LGALS3: variants seen among roughly 807,000 people sequenced by gnomAD.
LGALS3 encodes galectin 3.
Under a neutral mutation model 20.7 loss-of-function variants are expected in LGALS3, and 18 were observed. The ratio of observed to expected loss-of-function variants is 0.87; its 90% CI spans 0.60 to 1.29. LGALS3 has a LOEUF of 1.29. Ranked by LOEUF, LGALS3 falls within the 50% of genes most tolerant of loss-of-function variation. The pLI is 0.00. For synonymous variants in LGALS3, 112 were observed against 119.6 expected, an observed-to-expected ratio of 0.94 and a Z score of 0.42; for missense variants, 315 against 314.7, an observed-to-expected ratio of 1.00 and a Z score of -0.01.
At chr14:55,135,307 A>G (rs1403822575) in intron 1 of LGALS3, among the ~76,000 whole-genome samples, 3 of 152,250 alleles carry the variant, frequency 2.0e-5, no homozygotes, top group Non-Finnish European at 4.4e-5. Flanking sequence ...CATGATGTTC[A>G]GAGGCCATGC....
At chr14:55,140,579 C>T (rs1881585816) in intron 4 of LGALS3, 1 of 468,318 alleles carries the variant, frequency 2.1e-6, no homozygotes, top group East Asian at 3.6e-5. Context: ...AGCATCATGG[C>T]ACTCATAGTA....
At chr14:55,139,258 T>TA (rs1460621187) in intron 3 of LGALS3, among the ~76,000 whole-genome samples, 4 of 152,118 alleles carry the variant, frequency 2.6e-5, no homozygotes, top group Admixed American at 6.5e-5. Flanking sequence ...GATTATGTCT[T>TA]AGGAGTCATA....
At chr14:55,143,594 G>A (rs906554115) in intron 5 of LGALS3, 3 of 213,798 alleles carry the variant, frequency 1.4e-5, no homozygotes, top group Non-Finnish European at 2.9e-5. Context: ...GCTAACTTTT[G>A]TATTTTCTGT....
chr14:55,142,443 G>C (rs1881656142), intron 4 of LGALS3, 141 bp from the exon 5 acceptor site: 1 of 580,464 alleles, frequency 1.7e-6, no homozygotes, highest in South Asian at 2.7e-5. Context: ...AACCCATTCT[G>C]ATTTATTTGC....
rs150161752 is a variant in LGALS3, at chr14:55,145,237, T to G, written c.719T>G (p.Ile240Arg). Residue 240 changes from isoleucine to arginine, a missense_variant, in exon 6 of 6, where the codon ATA becomes AGA. Physicochemically the swap from Ile to Arg is moderately conservative, Grantham distance 97. Transcript: ENST00000254301. ...AGCAAACTGGGAATTTCTGGTGACA[T>G]AGACCTCACCAGTGCTTCATATACC... ...EISKLGISGD[I>R]DLTSASYTMI is the part of the protein sequence containing the mutation. 6.2e-7 allele frequency: 1 copy of G among 1,613,142 alleles called. No individual in the cohort carries two copies. Among genetic ancestry groups the G allele is most frequent in the African/African-American group, 1.3e-5 (1 of 74,578 alleles).
Position 55,142,762 on chromosome 14 carries a change from T to C in LGALS3, c.597+13T>C. ...GAAACCATTCAAAGTAAGTTATTGC[T>C]ACTATTATATATTGATAATGTATAT... On this transcript the variant is annotated intron_variant, in intron 5 of 5. Coordinates refer to ENST00000254301, the MANE Select transcript of LGALS3 (RefSeq NM_002306.4). 14 of 1,584,364 alleles carry C rather than the reference T, an allele frequency of 8.8e-6. No individual in the cohort carries two copies. Among genetic ancestry groups the C allele is most frequent in the Non-Finnish European group, 1.2e-5 (14 of 1,153,224 alleles).
At chr14:55,142,480 A>C (rs1881657427) in intron 4 of LGALS3, 104 bp from the exon 5 acceptor site, 3 of 862,074 alleles carry the variant, frequency 3.5e-6, no homozygotes, top group Non-Finnish European at 5.3e-6. Flanking sequence ...TTTCCTAGGT[A>C]CTGTATTATG....
intron 1 of LGALS3, among the ~76,000 whole-genome samples, chr14:55,132,080 G>C (rs1594648984): frequency 6.6e-6 from 1 of 152,212 alleles, no homozygotes; most frequent in African/African-American, 2.4e-5. Flanking sequence ...TGGGAACCCA[G>C]ACAACTGGAC....
chr14:55,137,200 T>C, intron 1 of LGALS3, 170 bp from the exon 2 acceptor site: 1 of 720,278 alleles, frequency 1.4e-6, no homozygotes, highest in East Asian at 2.5e-5. Flanking sequence ...GCAATCTAGC[T>C]GGATAGCATC....
chr14:55,140,383 C>T lies in LGALS3; in HGVS notation c.431+20C>T, dbSNP rs191939424. On this transcript the variant is annotated intron_variant, in intron 4 of 5. Coordinates refer to ENST00000254301, the MANE Select transcript of LGALS3 (RefSeq NM_002306.4). Reference sequence around the variant, plus strand: ...AAACAGGTAAGGAGAGCAAAATTAACAAGTCTACTCTATTTGTAGATTGGT... The same window carrying T: ...AAACAGGTAAGGAGAGCAAAATTAATAAGTCTACTCTATTTGTAGATTGGT... 874 of 1,494,402 alleles carry T rather than the reference C, an allele frequency of 5.8e-4. 3 individuals carry two copies. The highest frequency in any genetic ancestry group is 1.1e-3 in the Admixed American group (61 of 57,748). 92.6% of individuals were successfully genotyped at this position (1,494,402 alleles called of 1,614,324 possible). A position where few individuals can be genotyped will look rare whatever the true frequency, so the allele number is the denominator to read the frequency against.
chr14:55,133,689 T>A (rs760016208), intron 1 of LGALS3, among the ~76,000 whole-genome samples: 1 of 152,212 alleles, frequency 6.6e-6, no homozygotes, highest in Non-Finnish European at 1.5e-5. Flanking sequence ...TATACTGCCC[T>A]CCGAGGTGGT....
intron 5 of LGALS3, chr14:55,143,426 C>CTT (rs759161757): frequency 3.0e-3 from 991 of 325,580 alleles, no homozygotes; most frequent in South Asian, 4.7e-3. Flanking sequence ...CTTAATAGCA[C>CTT]TTTTTTTTTT....
intron 2 of LGALS3, chr14:55,137,819 C>T: frequency 3.1e-6 from 4 of 1,302,372 alleles, no homozygotes. Context: ...CCTCCCTGAT[C>T]TGAGACGTTG....
chr14:55,138,426 T>G (rs960645513), intron 3 of LGALS3, 58 bp downstream of exon 3: 2 of 1,580,058 alleles, frequency 1.3e-6, no homozygotes, highest in African/African-American at 2.7e-5. Context: ...AGGGAGACCC[T>G]GAGCTTTAAA....
Position 55,129,913 on chromosome 14 carries a change from A to T in LGALS3, c.-5+613A>T, listed in dbSNP as rs186763001. ...TCAGCTGAGGCTGGACTTGGAGGAG[A>T]TCTCGCTGTGGAGCGCGAATGAGTT... On this transcript the variant is annotated intron_variant, in intron 1 of 5. Transcript: ENST00000254301. This position sits in a 1 kb window ranked among gnomAD's most constrained non-coding sequence, Gnocchi z 5.3. 6.6e-6 allele frequency among the ~76,000 whole-genome samples: 1 copy of T among 152,178 alleles called. No individual in the cohort carries two copies. Among genetic ancestry groups the T allele is most frequent in the East Asian group, 1.9e-4 (1 of 5,166 alleles).
chr14:55,130,652 C>T (rs979907535), intron 1 of LGALS3, among the ~76,000 whole-genome samples: 29 of 149,792 alleles, frequency 1.9e-4, no homozygotes, highest in Non-Finnish European at 3.1e-4. Flanking sequence ...CTCTGCCTAC[C>T]GGGTTCAAGC....
At chr14:55,136,146 G>A (rs1343505627) in intron 1 of LGALS3, among the ~76,000 whole-genome samples, 1 of 152,132 alleles carries the variant, frequency 6.6e-6, no homozygotes, top group Admixed American at 6.5e-5. Context: ...ACATGGGAAG[G>A]AACAGGAGAA....
chr14:55,136,061 GC>G (rs57117110), intron 1 of LGALS3, among the ~76,000 whole-genome samples: 1 of 152,122 alleles, frequency 6.6e-6, no homozygotes, highest in African/African-American at 2.4e-5. Flanking sequence ...TGCCTCAGGG[GC>G]CCAGCTGCCC....
At chr14:55,135,685 CCCT>C (rs1442358221) in intron 1 of LGALS3, among the ~76,000 whole-genome samples, 2 of 151,604 alleles carry the variant, frequency 1.3e-5, no homozygotes, top group Non-Finnish European at 2.9e-5. Flanking sequence ...CCACCTCAGC[CCCT>C]CGAGTAGCTG....
Sources: allele counts gnomAD v4.1 joint callset (sites outside exome capture counted in the v4.1 genomes callset), GRCh38; gene constraint gnomAD v4.1.1; non-coding constraint Gnocchi (gnomAD v3.1); transcripts MANE v1.5; gene names NCBI Gene and HGNC (gene_info 2026-07-23, HGNC 2026-07-21).